GTSF1: variants seen among roughly 807,000 people sequenced by gnomAD.
The protein encoded by GTSF1 is gametocyte specific factor 1, also known as gametocyte-specific factor 1.
A neutral mutation model predicts 28.9 loss-of-function variants in GTSF1; 11 were observed. The ratio of observed to expected loss-of-function variants is 0.38; its 90% CI spans 0.24 to 0.63. GTSF1 has a LOEUF of 0.63. Among genes scored for constraint, GTSF1 ranks in the 30% least tolerant of loss-of-function variants. GTSF1 has a pLI of 0.56. For missense variants in GTSF1, 146 were observed against 201.0 expected, an observed-to-expected ratio of 0.73 and a Z score of 1.66; for synonymous variants, 69 against 65.6, an observed-to-expected ratio of 1.05 and a Z score of -0.25.
intron 1 of GTSF1, 79 bp downstream of exon 1, chr12:54,473,467 T>A (rs7135745): frequency 0.11 from 16,149 of 152,082 alleles, 1,031 homozygotes; most frequent in African/African-American, 0.17. Context: ...AAAAGCGAAA[T>A]GAGGATATTA....
chr12:54,460,409 T>C lies in GTSF1; in HGVS notation c.455A>G (p.Lys152Arg), dbSNP rs116138881. The C allele has an allele frequency of 1.2e-6, 2 of 1,613,950 alleles. No individual in the cohort carries two copies. Among genetic ancestry groups the C allele is most frequent in the African/African-American group, 1.3e-5 (1 of 75,046 alleles). The part of the protein sequence containing the change: ...NNLASGMRVP[K>R]SLPYVLPWKN... Reference sequence around the variant, plus strand: ...CCATGGCAGAACATACGGCAGAGATTTGGGAACTCGCATGCCTGAAGCCAG... The same window carrying C: ...CCATGGCAGAACATACGGCAGAGATCTGGGAACTCGCATGCCTGAAGCCAG... The change falls in exon 7 of 9, where the codon AAA becomes AGA. Residue 152 changes from lysine to arginine, a missense_variant. Transcript: ENST00000305879.
rs569582822 is a variant in GTSF1, at chr12:54,458,618, C to T, written c.*20+471G>A. On this transcript the variant is annotated intron_variant, in intron 8 of 8. Coordinates refer to ENST00000305879, the MANE Select transcript of GTSF1 (RefSeq NM_144594.3). ...AACTCCTGACCTCAAATGGTCTGCC[C>T]GCCTTGGTCTCCCCGTGCTGGGATT... Among the ~76,000 whole-genome samples the T allele has an allele frequency of 1.6e-3, 249 of 152,264 alleles. 1 individual carries two copies. The highest frequency in any genetic ancestry group is 2.6e-3 in the Non-Finnish European group (176 of 68,038).
chr12:54,460,250 A>G, intron 7 of GTSF1, 127 bp downstream of exon 7: 1 of 669,886 alleles, frequency 1.5e-6, no homozygotes, highest in South Asian at 1.8e-5. Context: ...CATAACATTT[A>G]AGGAGGCACT....
intron 5 of GTSF1, among the ~76,000 whole-genome samples, 156 bp from the exon 6 acceptor site, chr12:54,462,328 GAATTT>G (rs537137216): frequency 1.3e-5 from 2 of 152,082 alleles, no homozygotes; most frequent in Non-Finnish European, 2.9e-5. Flanking sequence ...ACAGTAGCAA[GAATTT>G]AATTGAAGAA....
At chr12:54,461,731 A>G (rs1956426084) in intron 6 of GTSF1, among the ~76,000 whole-genome samples, 1 of 152,176 alleles carries the variant, frequency 6.6e-6, no homozygotes, top group Non-Finnish European at 1.5e-5. Context: ...CAAATAAAGA[A>G]TTTTTAAGAC....
chr12:54,459,277 C>A, intron 7 of GTSF1, 152 bp from the exon 8 acceptor site: 2 of 1,432,290 alleles, frequency 1.4e-6, no homozygotes, highest in South Asian at 3.1e-5. Flanking sequence ...AGATTTCATT[C>A]AAGAGCATGG....
intron 2 of GTSF1, among the ~76,000 whole-genome samples, chr12:54,465,753 G>T (rs1956503195): frequency 6.6e-6 from 1 of 151,578 alleles, no homozygotes; most frequent in South Asian, 2.1e-4. Context: ...AAAAAAGTTG[G>T]TAAGCACTGC....
intron 7 of GTSF1, among the ~76,000 whole-genome samples, chr12:54,459,916 C>T (rs988843583): frequency 1.4e-5 from 2 of 144,020 alleles, no homozygotes; most frequent in African/African-American, 2.7e-5. Context: ...TTAGTAGAGA[C>T]GGGGTTTCAC....
At chr12:54,465,382 C>T (rs1481723323) in intron 2 of GTSF1, among the ~76,000 whole-genome samples, 1 of 152,042 alleles carries the variant, frequency 6.6e-6, no homozygotes, top group East Asian at 1.9e-4. Context: ...GGTGAAGTCT[C>T]AGTTTCATAT....
At chr12:54,459,178 C>T in intron 7 of GTSF1, 53 bp from the exon 8 acceptor site, 1 of 1,548,834 alleles carries the variant, frequency 6.5e-7, no homozygotes, top group Non-Finnish European at 8.9e-7. Flanking sequence ...GAAATTCACT[C>T]CATCCCCTAT....
intron 1 of GTSF1, chr12:54,471,829 G>A (rs1956597953): frequency 6.6e-6 from 1 of 152,148 alleles, no homozygotes; most frequent in South Asian, 2.1e-4. Context: ...AGACTAGCCT[G>A]GCAACAAAGC....
intron 4 of GTSF1, 92 bp from the exon 5 acceptor site, chr12:54,462,817 C>A: frequency 2.1e-6 from 2 of 934,972 alleles, no homozygotes; most frequent in Non-Finnish European, 3.3e-6. Context: ...GCAAGGGTAG[C>A]CTGTTGGGTC....
intron 1 of GTSF1, chr12:54,471,837 A>G (rs1956597971): frequency 6.6e-6 from 1 of 152,384 alleles, no homozygotes; most frequent in South Asian, 2.1e-4. Flanking sequence ...CTGGCAACAA[A>G]GCAAGACTAC....
intron 1 of GTSF1, 118 bp from the exon 2 acceptor site, chr12:54,471,395 T>C (rs575636639): frequency 1.9e-6 from 1 of 531,054 alleles, no homozygotes; most frequent in African/African-American, 2.0e-5. Context: ...AAGAAACCTT[T>C]ACTCTCCCCA....
At position 54,463,156 on chromosome 12, in the gene GTSF1, G is replaced by C. The variant is rs750001247; in HGVS notation, c.244+15C>G. 1 of 1,610,264 alleles carries C rather than the reference G, an allele frequency of 6.2e-7. No homozygotes were observed. The highest frequency in any genetic ancestry group is 1.1e-5 in the South Asian group (1 of 90,580). On this transcript the variant is annotated intron_variant, in intron 4 of 8. Transcript: ENST00000305879. ...TACCCTCCAGTACTGAAATATTTTA[G>C]ATACTAAGTCTTACCAACATCTTGC...
At chr12:54,460,779 C>A (rs375642557) in intron 6 of GTSF1, among the ~76,000 whole-genome samples, 57 of 152,220 alleles carry the variant, frequency 3.7e-4, no homozygotes, top group African/African-American at 1.4e-3. Flanking sequence ...ACTCAATAAA[C>A]GTAAGAGATA....
At chr12:54,471,647 G>A (rs1280283216) in intron 1 of GTSF1, 2 of 156,804 alleles carry the variant, frequency 1.3e-5, no homozygotes, top group East Asian at 3.6e-4. Context: ...TAATATAATA[G>A]TGATTATAAT....
intron 2 of GTSF1, among the ~76,000 whole-genome samples, chr12:54,467,404 G>A (rs922526592): frequency 2.0e-5 from 3 of 150,510 alleles, no homozygotes; most frequent in Admixed American, 6.6e-5. Context: ...AACCTCCACC[G>A]CCTGGGTTCA....
chr12:54,471,137 G>T (rs1956588455), intron 2 of GTSF1, 96 bp downstream of exon 2: 3 of 922,132 alleles, frequency 3.3e-6, no homozygotes, highest in South Asian at 4.6e-5. Flanking sequence ...CAGTTGAGAA[G>T]TCCGACTTCT....
Sources: gnomAD v4.1 joint callset for allele counts (sites outside exome capture counted in the v4.1 genomes callset) on GRCh38, gnomAD v4.1.1 for gene constraint, MANE v1.5 for transcripts, NCBI Gene and HGNC (gene_info 2026-07-23, HGNC 2026-07-21) for gene names.